Variants in ACBD4 observed in about 807,000 individuals in gnomAD.
ACBD4 encodes the protein acyl-CoA-binding domain-containing protein 4.
ACBD4 carries 41 observed loss-of-function variants against 46.0 expected under a neutral mutation model. The observed-to-expected ratio is 0.89, with a 90% CI of 0.69 to 1.16. The LOEUF (loss-of-function observed/expected upper bound fraction) is 1.16, where lower values mean the gene tolerates loss of function less well. Ranked by LOEUF, ACBD4 falls within the 50% of genes most tolerant of loss-of-function variation. The pLI, the probability that ACBD4 is intolerant of heterozygous loss-of-function variation, is 0.00. For missense variants in ACBD4, 393 were observed against 399.5 expected (o/e 0.98, Z 0.14); for synonymous variants, 162 against 155.9 (o/e 1.04, Z -0.29).
At chr17:45,141,756 C>A (rs2055285880) in intron 9 of ACBD4, among the ~76,000 whole-genome samples, 1 of 152,048 alleles carries the variant, frequency 6.6e-6, no homozygotes, top group African/African-American at 2.4e-5. Flanking sequence ...TCTGGATGTC[C>A]CATTATTAGT....
chr17:45,132,111 G>T, upstream of ACBD4: 1 of 972,398 alleles, frequency 1.0e-6, no homozygotes, highest in Non-Finnish European at 1.3e-6. This position sits in a 1 kb window ranked among gnomAD's most constrained non-coding sequence, Gnocchi z 4.6. Flanking sequence ...GCTGGAGGGA[G>T]CTGGCCCTCC....
chr17:45,137,399 TG>T lies in ACBD4; in HGVS notation c.451del (p.Ala151LeufsTer179). 6.2e-7 allele frequency: 1 copy of T among 1,614,008 alleles called. No homozygotes were observed. Among genetic ancestry groups the T allele is most frequent in the Non-Finnish European group, 8.5e-7 (1 of 1,179,982 alleles). ...WKEQVVNGDV[G>X]AVSEPPCLPK... ...AAGAGCAGGTTGTGAATGGAGATGTTGGGGCTGTTTCAGAGCCTCCCTGCCT... is the reference window on the plus strand; with the variant it reads ...AAGAGCAGGTTGTGAATGGAGATGTTGGGCTGTTTCAGAGCCTCCCTGCCT... On this transcript the variant is annotated frameshift_variant, in exon 6 of 10. Transcript: ENST00000321854. LOFTEE classifies it high-confidence loss of function.
At chr17:45,137,272 AG>A (rs1343452032) in intron 5 of ACBD4, 95 bp from the exon 6 acceptor site, 2 of 1,592,126 alleles carry the variant, frequency 1.3e-6, no homozygotes, top group Non-Finnish European at 1.7e-6. Context: ...GGTGGATCCC[AG>A]GCAGCATCCA....
At chr17:45,137,563 C>A in intron 6 of ACBD4, 109 bp downstream of exon 6, 1 of 1,414,000 alleles carries the variant, frequency 7.1e-7, no homozygotes, top group Non-Finnish European at 9.9e-7. Context: ...ACTTCCTGTG[C>A]TCCCAAAGGT....
At chr17:45,132,478 T>G, upstream of ACBD4, 2 of 945,630 alleles carry the variant, frequency 2.1e-6, no homozygotes, top group Non-Finnish European at 1.3e-6. This position sits in a 1 kb window ranked among gnomAD's most constrained non-coding sequence, Gnocchi z 4.6. Context: ...GGCGCCGCTC[T>G]GGCCCGGCCC....
chr17:45,134,972 CT>C (rs71363517), upstream of ACBD4, among the ~76,000 whole-genome samples: 105 of 137,632 alleles, frequency 7.6e-4, no homozygotes, highest in East Asian at 1.1e-3. Context: ...TTTGCTTACT[CT>C]TTTTTTTTTT....
Position 45,136,562 on chromosome 17 carries a change from A to T in ACBD4, c.151A>T (p.Met51Leu). Residue 51 changes from methionine (M) to leucine (L), a missense_variant, in exon 3 of 10, where the codon ATG becomes TTG. Met to Leu is a conservative substitution (Grantham distance 15, BLOSUM62 2). Transcript: ENST00000321854. ...CTACAGTTACTACAAGCAGGCCACCATGGGGCCCTGCCTGGTCCCCCGGCC... is the reference window on the plus strand; with the variant it reads ...CTACAGTTACTACAAGCAGGCCACCTTGGGGCCCTGCCTGGTCCCCCGGCC... ...RFYSYYKQAT[M>L]GPCLVPRPGF... is the part of the protein sequence containing the mutation. 1 of 1,613,894 alleles carries T rather than the reference A, an allele frequency of 6.2e-7. No homozygotes were observed. The highest frequency in any genetic ancestry group is 8.5e-7 in the Non-Finnish European group (1 of 1,179,972).
chr17:45,137,868 C>A, intron 7 of ACBD4, 38 bp downstream of exon 7: 2 of 1,612,366 alleles, frequency 1.2e-6, no homozygotes. Context: ...TCCCACCCCA[C>A]TGTGCTCCCA....
chr17:45,131,987 G>C (rs957241248), upstream of ACBD4, among the ~76,000 whole-genome samples: 3 of 152,060 alleles, frequency 2.0e-5, no homozygotes, highest in African/African-American at 7.2e-5. Context: ...CCAGCGCCCC[G>C]TGCCCGAATT....
intron 8 of ACBD4, chr17:45,138,240 G>A (rs911363108): frequency 2.2e-5 from 13 of 578,040 alleles, no homozygotes; most frequent in South Asian, 4.1e-5. Context: ...TAAGGCCAGC[G>A]GGATGGGAGT....
upstream of ACBD4, chr17:45,135,616 G>A (rs905766695): frequency 1.3e-5 from 2 of 155,546 alleles, no homozygotes; most frequent in Non-Finnish European, 2.9e-5. Flanking sequence ...ATGTGAAACA[G>A]GCTCTCTCAT....
At chr17:45,131,855 G>A (rs913326414), upstream of ACBD4, among the ~76,000 whole-genome samples, 1 of 152,172 alleles carries the variant, frequency 6.6e-6, no homozygotes, top group South Asian at 2.1e-4. Context: ...CCGCAAACTC[G>A]CATCCTTCCT....
chr17:45,132,498 G>T, upstream of ACBD4: 1 of 850,636 alleles, frequency 1.2e-6, no homozygotes, highest in Non-Finnish European at 1.5e-6. The surrounding 1 kb of genome is among the most constrained non-coding windows in gnomAD (Gnocchi z 4.6). Flanking sequence ...CCGGCTCTGA[G>T]CGAGGCGGCG....
At chr17:45,132,307 G>T (rs747234783), upstream of ACBD4, 1 of 1,256,476 alleles carries the variant, frequency 8.0e-7, no homozygotes, top group East Asian at 3.0e-5. The surrounding 1 kb of genome is among the most constrained non-coding windows in gnomAD (Gnocchi z 4.6). Flanking sequence ...GGGAGTCGGC[G>T]GGGACGGGAG....
Position 45,136,246 on chromosome 17 carries a change from G to C in ACBD4, c.88+14G>C. ...TGCCCAAGAACGGTGAGGCTGCGGG[G>C]ACTCGCATTTGGACTCGCATTCAGG... On this transcript the variant is annotated intron_variant, in intron 2 of 9. Coordinates refer to ENST00000321854, the MANE Select transcript of ACBD4 (RefSeq NM_001135705.3). The C allele has an allele frequency of 3.7e-6, 6 of 1,611,840 alleles. No individual in the cohort carries two copies. The highest frequency in any genetic ancestry group is 5.1e-6 in the Non-Finnish European group (6 of 1,179,066).
chr17:45,137,298 T>A, intron 5 of ACBD4, 70 bp from the exon 6 acceptor site: 1 of 1,600,874 alleles, frequency 6.2e-7, no homozygotes, highest in Non-Finnish European at 8.6e-7. Context: ...TCATCACGAG[T>A]AGGGGCTTGA....
In ACBD4 at chr17:45,141,930, C is replaced by CA. The variant is rs562474622; in HGVS notation, c.790-1501dup. 4.3e-3 allele frequency among the ~76,000 whole-genome samples: 557 copies of CA among 129,132 alleles called. 1 individual carries two copies. The highest frequency in any genetic ancestry group is 5.5e-3 in the East Asian group (25 of 4,530). The allele number at this position is 129,132 out of a possible 152,430, so 84.7% of individuals were successfully genotyped here. On this transcript the variant is annotated intron_variant, in intron 9 of 9. Transcript: ENST00000321854. The stretch of plus-strand genomic sequence containing the variant: ...CCTGAGTCAATAATTTAGTAATTGC[C>CA]AAAAAAAAAAAAGCTGACTTTTAAA...
rs532411432 is a variant in ACBD4, at chr17:45,136,352, G to A, written c.88+120G>A. 4 of 1,483,372 alleles carry A rather than the reference G, an allele frequency of 2.7e-6. No individual in the cohort carries two copies. In the South Asian group the frequency reaches 3.5e-5, roughly 13 times the overall value. The allele number at this position is 1,483,372 out of a possible 1,614,324, so 91.9% of individuals were successfully genotyped here. A position where few individuals can be genotyped will look rare whatever the true frequency, so the allele number is the denominator to read the frequency against. The stretch of plus-strand genomic sequence containing the variant: ...GACAAGCCCCTGCCTGGGCTGTCCT[G>A]GGGGTTCCCTCCGCTTCCTATCCTA... On this transcript the variant is annotated intron_variant, in intron 2 of 9. Transcript: ENST00000321854.
upstream of ACBD4, among the ~76,000 whole-genome samples, chr17:45,134,901 A>G (rs950678401): frequency 6.6e-6 from 1 of 150,452 alleles, no homozygotes; most frequent in Non-Finnish European, 1.5e-5. Context: ...TTTTGTACCC[A>G]TTTCCCCCCC....
Sources: allele counts gnomAD v4.1 joint callset (sites outside exome capture counted in the v4.1 genomes callset), GRCh38; gene constraint gnomAD v4.1.1; non-coding constraint Gnocchi (gnomAD v3.1); transcripts MANE v1.5; gene names NCBI Gene and HGNC (gene_info 2026-07-23, HGNC 2026-07-21).